The following KHDRBS2 variants were observed in gnomAD, a reference collection of about 807,000 sequenced individuals.
KHDRBS2 encodes the protein KH RNA binding domain containing, signal transduction associated 2.
Under a neutral mutation model 44.3 loss-of-function variants are expected in KHDRBS2, and 26 were observed. That is an observed-to-expected ratio of 0.59 (90% confidence interval 0.43 to 0.81). The LOEUF is 0.81. KHDRBS2 is among the 40% of genes least tolerant of loss of function. The probability of loss-of-function intolerance (pLI) is 0.00; values close to 1 mark genes in which losing one functional copy is unlikely to be tolerated. For synonymous variants in KHDRBS2, 194 were observed against 151.1 expected, an observed-to-expected ratio of 1.28 and a Z score of -2.08; for missense variants, 476 against 433.1, an observed-to-expected ratio of 1.10 and a Z score of -0.88.
intron 4 of KHDRBS2, among the ~76,000 whole-genome samples, chr6:61,955,074 G>A (rs116133410): frequency 0.049 from 6,801 of 139,382 alleles, 331 homozygotes; most frequent in East Asian, 0.23. Context: ...ACACATATAC[G>A]TGTGTATGTA....
chr6:62,092,429 A>G (rs1799660481), intron 2 of KHDRBS2, among the ~76,000 whole-genome samples: 1 of 152,198 alleles, frequency 6.6e-6, no homozygotes, highest in South Asian at 2.1e-4. Flanking sequence ...GCACAACCGA[A>G]TCAAAATGTT....
At chr6:61,864,728 T>C (rs772526019) in intron 6 of KHDRBS2, among the ~76,000 whole-genome samples, 86 of 152,150 alleles carry the variant, frequency 5.7e-4, no homozygotes, top group Non-Finnish European at 7.5e-4. Context: ...GAGAATCTGA[T>C]GATGATGTGT....
intron 1 of KHDRBS2, among the ~76,000 whole-genome samples, chr6:62,237,569 G>C (rs1446330905): frequency 3.3e-5 from 5 of 152,176 alleles, no homozygotes; most frequent in Non-Finnish European, 4.4e-5. Context: ...CACTTTAGAA[G>C]ATAGGTGTTT....
At chr6:61,848,490 T>TATATATAC (rs1491335256) in intron 6 of KHDRBS2, among the ~76,000 whole-genome samples, 1 of 32,178 alleles carries the variant, frequency 3.1e-5, no homozygotes, top group Non-Finnish European at 5.5e-5. Context: ...TATATATATA[T>TATATATAC]GTATATATAT....
chr6:62,245,475 C>A lies in KHDRBS2; in HGVS notation c.91+40383G>T, dbSNP rs991277243. Among the ~76,000 whole-genome samples the A allele has an allele frequency of 2.6e-5, 4 of 152,052 alleles. No homozygotes were observed. The East Asian group carries it at 5.8e-4, about 22-fold the overall frequency. ...TTTGATTTTCTTTCTGTTTCTACTTCAAGCAATTTTAGTTGGCCATAAAGT... is the reference window on the plus strand; with the variant it reads ...TTTGATTTTCTTTCTGTTTCTACTTAAAGCAATTTTAGTTGGCCATAAAGT... On this transcript the variant is annotated intron_variant, in intron 1 of 8. Transcript: ENST00000281156.
intron 3 of KHDRBS2, among the ~76,000 whole-genome samples, chr6:61,993,293 C>T (rs879484552): frequency 3.9e-5 from 6 of 152,064 alleles, no homozygotes; most frequent in Admixed American, 1.3e-4. Context: ...ATAGTATCAC[C>T]GAAAACCTTT....
chr6:61,867,321 A>G (rs890580593), intron 6 of KHDRBS2, among the ~76,000 whole-genome samples: 12 of 152,172 alleles, frequency 7.9e-5, no homozygotes, highest in African/African-American at 2.4e-4. Flanking sequence ...GAAACTTACT[A>G]TCATGAGAAC....
intron 2 of KHDRBS2, among the ~76,000 whole-genome samples, chr6:62,100,401 A>G (rs148571317): frequency 5.3e-5 from 8 of 152,378 alleles, no homozygotes; most frequent in Non-Finnish European, 1.2e-4. Flanking sequence ...TAGTTGATAA[A>G]GACATAGTAG....
Position 62,274,754 on chromosome 6 carries a change from T to G in KHDRBS2, c.91+11104A>C, listed in dbSNP as rs76674359. Among the ~76,000 whole-genome samples, 70 of 152,196 alleles carry G rather than the reference T, an allele frequency of 4.6e-4. 1 individual carries two copies. Among genetic ancestry groups the G allele is most frequent in the African/African-American group, 1.7e-3 (70 of 41,546 alleles). On this transcript the variant is annotated intron_variant, in intron 1 of 8. Coordinates refer to ENST00000281156, the MANE Select transcript of KHDRBS2 (RefSeq NM_152688.4). ...CCCGAACTCCTAAAGCATCATCTACTTCTCTTATCATTGTATTATGGAGAT... is the reference window on the plus strand; with the variant it reads ...CCCGAACTCCTAAAGCATCATCTACGTCTCTTATCATTGTATTATGGAGAT...
chr6:61,599,912 A>G, the KHDRBS2 span, among the ~76,000 whole-genome samples: 2 of 152,212 alleles, frequency 1.3e-5, no homozygotes, highest in Non-Finnish European at 2.9e-5. Flanking sequence ...GTAGAACAAG[A>G]TGAGAATGAC....
intron 2 of KHDRBS2, among the ~76,000 whole-genome samples, chr6:62,156,643 G>A (rs1020158561): frequency 6.7e-6 from 1 of 148,460 alleles, no homozygotes; most frequent in Non-Finnish European, 1.5e-5. Context: ...TGTAGCTTTT[G>A]TTTGTTTGTT....
At chr6:61,782,713 A>ATG (rs1562170186) in intron 6 of KHDRBS2, among the ~76,000 whole-genome samples, 5 of 128,984 alleles carry the variant, frequency 3.9e-5, no homozygotes, top group Non-Finnish European at 7.8e-5. Flanking sequence ...ATATATATAT[A>ATG]TATATATATA....
At chr6:61,701,686 G>GACAAA (rs902463112) in intron 7 of KHDRBS2, among the ~76,000 whole-genome samples, 50 of 151,980 alleles carry the variant, frequency 3.3e-4, no homozygotes, top group East Asian at 1.2e-3. Flanking sequence ...TTATTAAAAA[G>GACAAA]ACAAAACAAA....
chr6:61,847,749 G>C (rs1370072004), intron 6 of KHDRBS2, among the ~76,000 whole-genome samples: 1 of 152,012 alleles, frequency 6.6e-6, no homozygotes, highest in Non-Finnish European at 1.5e-5. Flanking sequence ...CCTTCATGGA[G>C]AGGGTTTCCG....
At chr6:61,566,955 C>A in the KHDRBS2 span, among the ~76,000 whole-genome samples, 2 of 152,138 alleles carry the variant, frequency 1.3e-5, no homozygotes, top group African/African-American at 2.4e-5. Flanking sequence ...AGACTGAACC[C>A]AACTCTACTG....
In KHDRBS2 at chr6:61,931,035, C is replaced by T. The variant is rs182499101; in HGVS notation, c.484-29664G>A. Among the ~76,000 whole-genome samples the T allele has an allele frequency of 1.4e-3, 213 of 152,032 alleles. 1 individual carries two copies. Among genetic ancestry groups the T allele is most frequent in the African/African-American group, 4.8e-3 (201 of 41,526 alleles). ...TGTAATAAAATACCACCTAATTTTA[C>T]ATAATAATGTGAATCAACAAAAAAT... is the stretch of plus-strand genomic sequence containing the variant. On this transcript the variant is annotated intron_variant, in intron 4 of 8. Transcript: ENST00000281156.
At chr6:62,277,391 G>A (rs536294311) in intron 1 of KHDRBS2, among the ~76,000 whole-genome samples, 6 of 152,224 alleles carry the variant, frequency 3.9e-5, no homozygotes, top group African/African-American at 1.4e-4. Context: ...ACCCAAGCTG[G>A]AGTGCAGTGG....
intron 6 of KHDRBS2, among the ~76,000 whole-genome samples, chr6:61,750,087 T>C (rs1430399686): frequency 6.6e-6 from 1 of 152,176 alleles, no homozygotes; most frequent in Non-Finnish European, 1.5e-5. Context: ...ATATCAGATA[T>C]ATCTTACATG....
chr6:62,037,937 G>A (rs1785638859), intron 3 of KHDRBS2, among the ~76,000 whole-genome samples: 1 of 151,866 alleles, frequency 6.6e-6, no homozygotes. Context: ...ATTTTAAAAG[G>A]AAATCTATTC....
Sources: gnomAD v4.1 joint callset for allele counts (sites outside exome capture counted in the v4.1 genomes callset) on GRCh38, gnomAD v4.1.1 for gene constraint, MANE v1.5 for transcripts, NCBI Gene and HGNC (gene_info 2026-07-23, HGNC 2026-07-21) for gene names.